Variants in SPATA13 observed in about 807,000 individuals in gnomAD.
The protein encoded by SPATA13 is spermatogenesis associated 13, also known as spermatogenesis-associated protein 13.
SPATA13 carries 50 observed loss-of-function variants against 104.0 expected under a neutral mutation model. The ratio of observed to expected loss-of-function variants is 0.48; its 90% CI spans 0.38 to 0.61. The LOEUF is 0.61. Among genes scored for constraint, SPATA13 ranks in the 20% least tolerant of loss-of-function variants. The pLI is 0.00. For synonymous variants in SPATA13, 606 were observed against 667.5 expected, an observed-to-expected ratio of 0.91 and a Z score of 1.42; for missense variants, 1,524 against 1,690.6, an observed-to-expected ratio of 0.90 and a Z score of 1.73.
chr13:24,237,311 C>T lies in SPATA13; in HGVS notation c.1654-12166C>T, dbSNP rs1220589. Among the ~76,000 whole-genome samples, 1,335 of 152,044 alleles carry T rather than the reference C, an allele frequency of 8.8e-3. 28 individuals carry two copies. Among genetic ancestry groups the T allele is most frequent in the African/African-American group, 0.031 (1,267 of 41,464 alleles). ...CCAGGGGGTGGAGGTTGCAGTGAGC[C>T]GAGATTGCACCACTGCACTCCAATG... On this transcript the variant is annotated intron_variant, in intron 2 of 12. Transcript: ENST00000382108.
chr13:24,167,191 C>T (rs1027138210), intron 1 of SPATA13, among the ~76,000 whole-genome samples: 3 of 152,118 alleles, frequency 2.0e-5, no homozygotes, highest in African/African-American at 7.2e-5. Flanking sequence ...GTGTCCTGGC[C>T]ATCACGCAGG....
At chr13:24,265,834 G>A (rs1874274100) in intron 4 of SPATA13, among the ~76,000 whole-genome samples, 1 of 152,126 alleles carries the variant, frequency 6.6e-6, no homozygotes, top group South Asian at 2.1e-4. Flanking sequence ...ATGTTCCTGG[G>A]TTCTGGATAT....
chr13:24,079,663 C>T (rs1879446182), intron 3 of SPATA13, among the ~76,000 whole-genome samples: 1 of 151,968 alleles, frequency 6.6e-6, no homozygotes, highest in Non-Finnish European at 1.5e-5. Flanking sequence ...CTGGGCTCTA[C>T]TTTATTTTCT....
chr13:24,227,838 A>G (rs536522167), intron 2 of SPATA13, among the ~76,000 whole-genome samples: 1 of 152,082 alleles, frequency 6.6e-6, no homozygotes, highest in Non-Finnish European at 1.5e-5. Flanking sequence ...CCAAAGTGCT[A>G]GGATTATAGG....
chr13:24,092,006 C>T (rs1024193360), intron 3 of SPATA13, among the ~76,000 whole-genome samples: 3 of 152,152 alleles, frequency 2.0e-5, no homozygotes, highest in African/African-American at 7.2e-5. Flanking sequence ...ACAAAATCAC[C>T]GTTCTTCCTG....
intron 3 of SPATA13, among the ~76,000 whole-genome samples, chr13:24,052,344 G>T (rs1878373758): frequency 1.3e-5 from 2 of 152,130 alleles, no homozygotes; most frequent in African/African-American, 4.8e-5. Context: ...TTTGAGGTCA[G>T]GCTGAGCAGC....
chr13:24,267,294 G>A (rs938342668), intron 4 of SPATA13, among the ~76,000 whole-genome samples: 2 of 152,176 alleles, frequency 1.3e-5, no homozygotes, highest in African/African-American at 2.4e-5. Context: ...GGGACATAAA[G>A]GGGTTGTTGG....
chr13:24,263,900 C>T (rs1426622707), intron 4 of SPATA13, among the ~76,000 whole-genome samples: 1 of 152,202 alleles, frequency 6.6e-6, no homozygotes, highest in African/African-American at 2.4e-5. Context: ...TGTGAGACAG[C>T]CTGGATTCCA....
At position 24,203,375 on chromosome 13, in the gene SPATA13, T is replaced by C. The variant is rs993907477; in HGVS notation, c.-111-19444T>C. Among the ~76,000 whole-genome samples the C allele has an allele frequency of 4.6e-5, 7 of 152,244 alleles. No individual in the cohort carries two copies. The South Asian group carries it at 1.2e-3, about 27-fold the overall frequency. ...ACTGATAATATAGCACTCAACTTTT[T>C]AAGTAGCTTTTTCCTAAACTTGATC... On this transcript the variant is annotated intron_variant, in intron 1 of 12. Transcript: ENST00000382108.
intron 1 of SPATA13, among the ~76,000 whole-genome samples, chr13:24,175,126 AT>A (rs1362798407): frequency 6.6e-6 from 1 of 152,106 alleles, no homozygotes; most frequent in East Asian, 1.9e-4. Context: ...GTGTATTCTG[AT>A]GTCCTAGGGC....
intron 3 of SPATA13, among the ~76,000 whole-genome samples, chr13:24,025,860 A>C (rs978986899): frequency 5.4e-5 from 8 of 147,226 alleles, no homozygotes; most frequent in Admixed American, 4.9e-4. Flanking sequence ...CCTGGGCTGG[A>C]GTGCAATGGC....
At chr13:24,062,387 G>A (rs186165672) in intron 3 of SPATA13, among the ~76,000 whole-genome samples, 23 of 152,346 alleles carry the variant, frequency 1.5e-4, no homozygotes, top group Admixed American at 1.4e-3. Flanking sequence ...TGATCAGGAC[G>A]AAGAGAGCTG....
At chr13:24,208,863 GA>G (rs1870858682) in intron 1 of SPATA13, among the ~76,000 whole-genome samples, 1 of 152,212 alleles carries the variant, frequency 6.6e-6, no homozygotes, top group African/African-American at 2.4e-5. Context: ...AGAGTCTCAA[GA>G]GGTGAATACT....
chr13:24,258,436 G>A (rs1204444369), intron 4 of SPATA13, among the ~76,000 whole-genome samples: 1 of 151,130 alleles, frequency 6.6e-6, no homozygotes, highest in Non-Finnish European at 1.5e-5. Flanking sequence ...GGAGGCTGAG[G>A]TCGGCAGATC....
chr13:24,181,442 C>A (rs974097797), intron 1 of SPATA13, among the ~76,000 whole-genome samples: 4 of 152,106 alleles, frequency 2.6e-5, no homozygotes, highest in Non-Finnish European at 5.9e-5. Context: ...AATATAATTT[C>A]TTTATAGCCT....
At chr13:24,126,259 G>T (rs1201693120) in intron 3 of SPATA13, among the ~76,000 whole-genome samples, 1 of 152,204 alleles carries the variant, frequency 6.6e-6, no homozygotes, top group African/African-American at 2.4e-5. Flanking sequence ...GAGTCTGGGG[G>T]AGGGGTAGCT....
intron 4 of SPATA13, among the ~76,000 whole-genome samples, chr13:24,277,461 AAGAAG>A (rs767620049): frequency 3.4e-4 from 10 of 29,288 alleles, no homozygotes; most frequent in Non-Finnish European, 6.3e-4. Flanking sequence ...AAAAAAAAAA[AAGAAG>A]AAGTTCACCT....
At position 24,305,820 on chromosome 13, in the gene SPATA13, T is replaced by C. The variant is rs1205280081; in HGVS notation, c.*3047T>C. The C allele has an allele frequency of 6.6e-6, 1 of 152,206 alleles. No individual in the cohort carries two copies. Among genetic ancestry groups the C allele is most frequent in the Non-Finnish European group, 1.5e-5 (1 of 68,034 alleles). The allele number at this position is 152,206 out of a possible 1,614,324, so 9.4% of individuals were successfully genotyped here. A position where few individuals can be genotyped will look rare whatever the true frequency, so the allele number is the denominator to read the frequency against. ...AAGTAGCCTTGGGTCAAAAGCAACC[T>C]TTTCAATTGTGATCATACCTAAAAC... is the stretch of plus-strand genomic sequence containing the variant. On this transcript the variant is annotated 3_prime_UTR_variant, in exon 13 of 13. Transcript: ENST00000382108.
chr13:24,046,738 T>C (rs1214008688), intron 3 of SPATA13, among the ~76,000 whole-genome samples: 1 of 152,072 alleles, frequency 6.6e-6, no homozygotes, highest in East Asian at 1.9e-4. Flanking sequence ...AAAGCTTATA[T>C]GAACATTCTT....
Sources: gnomAD v4.1 joint callset for allele counts (sites outside exome capture counted in the v4.1 genomes callset) on GRCh38, gnomAD v4.1.1 for gene constraint, MANE v1.5 for transcripts, NCBI Gene and HGNC (gene_info 2026-07-23, HGNC 2026-07-21) for gene names.